Variants in SORCS1 observed in about 807,000 individuals in gnomAD.
SORCS1 encodes the protein VPS10 domain-containing receptor SorCS1.
In SORCS1, 60 loss-of-function variants were observed where a neutral mutation model predicts 146.1. That is an observed-to-expected ratio of 0.41 (90% CI 0.33 to 0.51). The LOEUF (loss-of-function observed/expected upper bound fraction) is 0.51. Ranked by LOEUF, SORCS1 falls within the 20% of genes least tolerant of loss-of-function variation. The pLI is 0.21. For synonymous variants in SORCS1, 637 were observed against 584.0 expected, an observed-to-expected ratio of 1.09 and a Z score of -1.31; for missense variants, 1,352 against 1,487.6, an observed-to-expected ratio of 0.91 and a Z score of 1.50.
At chr10:106,690,448 C>T (rs1404451048) in intron 9 of SORCS1, among the ~76,000 whole-genome samples, 1 of 152,210 alleles carries the variant, frequency 6.6e-6, no homozygotes, top group Non-Finnish European at 1.5e-5. Flanking sequence ...TTCCTGCCCT[C>T]TCCCTCTTCT....
At chr10:106,627,398 C>T (rs926645533) in intron 19 of SORCS1, among the ~76,000 whole-genome samples, 1 of 152,140 alleles carries the variant, frequency 6.6e-6, no homozygotes, top group East Asian at 1.9e-4. Flanking sequence ...AGCAAAATCA[C>T]CCCTTATAGA....
chr10:106,950,646 T>C (rs1428645951), intron 2 of SORCS1, among the ~76,000 whole-genome samples: 1 of 151,920 alleles, frequency 6.6e-6, no homozygotes, highest in Non-Finnish European at 1.5e-5. Flanking sequence ...AGATATTATA[T>C]AATAATATAC....
At chr10:106,738,137 A>G (rs1240705534) in intron 5 of SORCS1, among the ~76,000 whole-genome samples, 1 of 152,242 alleles carries the variant, frequency 6.6e-6, no homozygotes, top group Non-Finnish European at 1.5e-5. Context: ...GATACACATT[A>G]AAAATTCATA....
At chr10:107,094,125 C>T (rs1380672896) in intron 1 of SORCS1, among the ~76,000 whole-genome samples, 2 of 152,112 alleles carry the variant, frequency 1.3e-5, no homozygotes, top group African/African-American at 4.8e-5. Context: ...ATATATTTCA[C>T]TAATGTATAT....
intron 2 of SORCS1, among the ~76,000 whole-genome samples, chr10:106,909,402 G>A (rs371300851): frequency 1.3e-5 from 2 of 152,186 alleles, no homozygotes; most frequent in African/African-American, 4.8e-5. Flanking sequence ...GAGAGAGAGA[G>A]AGAATATACT....
chr10:106,693,665 G>A (rs931039092), intron 9 of SORCS1, among the ~76,000 whole-genome samples: 27 of 152,162 alleles, frequency 1.8e-4, no homozygotes, highest in African/African-American at 6.5e-4. Flanking sequence ...TATTTCTTTG[G>A]TGACTTAAAG....
chr10:106,733,111 AAAAAGAAAAG>A lies in SORCS1; in HGVS notation c.960-3007_960-2998del, dbSNP rs527897452. On this transcript the variant is annotated intron_variant, in intron 5 of 25. Coordinates refer to ENST00000263054, the MANE Select transcript of SORCS1 (RefSeq NM_052918.5). ...CGACAAAGTGATACTCCATTTCAAA[AAAAAGAAAAG>A]AAAAGAAAAGAAAAGAAAAGAAAAA... Among the ~76,000 whole-genome samples the A allele has an allele frequency of 4.3e-3, 640 of 148,088 alleles. 30 individuals carry two copies. The highest frequency in any genetic ancestry group is 0.014 in the African/African-American group (565 of 39,770).
chr10:107,158,966 T>C (rs1010622790), intron 1 of SORCS1, among the ~76,000 whole-genome samples: 2 of 148,998 alleles, frequency 1.3e-5, no homozygotes, highest in African/African-American at 5.0e-5. Flanking sequence ...TCTCATTAAA[T>C]AACTAAGAGA....
intron 3 of SORCS1, among the ~76,000 whole-genome samples, chr10:106,828,611 T>A (rs901456004): frequency 6.6e-6 from 1 of 152,210 alleles, no homozygotes; most frequent in African/African-American, 2.4e-5. Flanking sequence ...TTAGGGTATG[T>A]TAATGAATGA....
intron 2 of SORCS1, among the ~76,000 whole-genome samples, chr10:106,949,639 C>G (rs1017853877): frequency 6.6e-6 from 1 of 152,206 alleles, no homozygotes; most frequent in Admixed American, 6.5e-5. Flanking sequence ...AGAATCACAT[C>G]AAAAGCCTAA....
Position 106,652,802 on chromosome 10 carries a change from C to A in SORCS1, c.2304-249G>T, listed in dbSNP as rs145209307. On this transcript the variant is annotated intron_variant, in intron 17 of 25. Coordinates refer to ENST00000263054, the MANE Select transcript of SORCS1 (RefSeq NM_052918.5). Reference sequence around the variant, plus strand: ...CATCTATTAAATTAATGAATCACTTCATTTTGAAGTTGTGGGAAATGCACA... The same window carrying A: ...CATCTATTAAATTAATGAATCACTTAATTTTGAAGTTGTGGGAAATGCACA... 2.6e-5 allele frequency among the ~76,000 whole-genome samples: 4 copies of A among 152,250 alleles called. No individual in the cohort carries two copies. The East Asian group carries it at 7.7e-4, about 29-fold the overall frequency.
At chr10:107,175,412 C>A in the SORCS1 span, among the ~76,000 whole-genome samples, 1 of 152,038 alleles carries the variant, frequency 6.6e-6, no homozygotes, top group Non-Finnish European at 1.5e-5. Flanking sequence ...GCTTTATTTA[C>A]TATTTATCAA....
At position 106,762,796 on chromosome 10, in the gene SORCS1, A is replaced by T. The variant is rs146013873; in HGVS notation, c.886-1135T>A. On this transcript the variant is annotated intron_variant, in intron 4 of 25. Transcript: ENST00000263054. ...TGAGTGCCAAGGAGAGATGGGTGAC[A>T]ACTCCCCTCATAGAGATAACAGAAG... 3.5e-3 allele frequency among the ~76,000 whole-genome samples: 527 copies of T among 152,108 alleles called. 10 individuals are homozygous for T. Among genetic ancestry groups the T allele is most frequent in the African/African-American group, 0.012 (508 of 41,474 alleles).
chr10:106,719,252 C>A (rs981084916), intron 6 of SORCS1, among the ~76,000 whole-genome samples: 12 of 152,082 alleles, frequency 7.9e-5, no homozygotes, highest in African/African-American at 2.9e-4. Flanking sequence ...CATACAGTTT[C>A]CAGTTTCTTC....
At chr10:106,937,926 T>C (rs1953829941) in intron 2 of SORCS1, among the ~76,000 whole-genome samples, 1 of 143,924 alleles carries the variant, frequency 6.9e-6, no homozygotes, top group Non-Finnish European at 1.5e-5. Flanking sequence ...ATCAAGCCAC[T>C]GCACTCCATC....
At chr10:107,147,055 G>T (rs1205905296) in intron 1 of SORCS1, among the ~76,000 whole-genome samples, 1 of 151,884 alleles carries the variant, frequency 6.6e-6, no homozygotes, top group Non-Finnish European at 1.5e-5. Context: ...ACATTTAATT[G>T]AAATTCTATC....
At chr10:106,654,541 G>A (rs1248060754) in intron 17 of SORCS1, among the ~76,000 whole-genome samples, 2 of 152,150 alleles carry the variant, frequency 1.3e-5, no homozygotes, top group Non-Finnish European at 2.9e-5. Flanking sequence ...AGCTCCTTGA[G>A]GGCCTCCTTG....
intron 1 of SORCS1, among the ~76,000 whole-genome samples, chr10:107,147,877 A>G (rs1215328581): frequency 6.6e-6 from 1 of 152,062 alleles, no homozygotes; most frequent in Non-Finnish European, 1.5e-5. Context: ...ACAGAGAGTG[A>G]CCCGGCACAT....
At chr10:106,938,753 A>G (rs1953879832) in intron 2 of SORCS1, among the ~76,000 whole-genome samples, 1 of 152,184 alleles carries the variant, frequency 6.6e-6, no homozygotes, top group African/African-American at 2.4e-5. Context: ...ACAAATCCCT[A>G]TGTCATATCA....
Sources: allele counts gnomAD v4.1 joint callset (sites outside exome capture counted in the v4.1 genomes callset), GRCh38; gene constraint gnomAD v4.1.1; transcripts MANE v1.5; gene names NCBI Gene and HGNC (gene_info 2026-07-23, HGNC 2026-07-21).